GALNT17: variants seen among roughly 807,000 people sequenced by gnomAD.
GALNT17 encodes the protein polypeptide N-acetylgalactosaminyltransferase 17, also known as UDP-GalNAc:polypeptide N-acetylgalactosaminyltransferase-like 3.
In GALNT17, 29 loss-of-function variants were observed where a neutral mutation model predicts 63.7. That is an observed-to-expected ratio of 0.46 (90% CI 0.34 to 0.62). The LOEUF (loss-of-function observed/expected upper bound fraction) is 0.62, where lower values mean the gene tolerates loss of function less well. GALNT17 is among the 20% of genes least tolerant of loss of function. GALNT17 has a pLI of 0.01. For missense variants in GALNT17, 603 were observed against 799.6 expected (o/e 0.75, Z 2.97); for synonymous variants, 305 against 318.3 (o/e 0.96, Z 0.45).
intron 1 of GALNT17, among the ~76,000 whole-genome samples, chr7:71,197,816 T>C (rs1789083058): frequency 1.3e-5 from 2 of 152,170 alleles, no homozygotes; most frequent in Non-Finnish European, 2.9e-5. Context: ...CTACTGTGTA[T>C]ATGTATCAAG....
intron 3 of GALNT17, among the ~76,000 whole-genome samples, chr7:71,390,557 C>G (rs571395118): frequency 3.9e-5 from 6 of 152,322 alleles, no homozygotes; most frequent in African/African-American, 1.4e-4. Flanking sequence ...CTGGAAGCCT[C>G]TAAGTTGTGC....
At chr7:71,704,940 G>A (rs999369466) in intron 9 of GALNT17, among the ~76,000 whole-genome samples, 2 of 152,094 alleles carry the variant, frequency 1.3e-5, no homozygotes, top group Non-Finnish European at 2.9e-5. Flanking sequence ...AATCTTCATG[G>A]CCTTGGATTT....
intron 9 of GALNT17, among the ~76,000 whole-genome samples, chr7:71,699,171 C>CA (rs59124269): frequency 0.36 from 27,422 of 76,726 alleles, 6,579 homozygotes; most frequent in Non-Finnish European, 0.45. Context: ...GACTCCATCT[C>CA]AAAAAAAAAA....
intron 3 of GALNT17, among the ~76,000 whole-genome samples, chr7:71,398,307 C>G (rs1340900397): frequency 6.6e-6 from 1 of 152,042 alleles, no homozygotes; most frequent in Non-Finnish European, 1.5e-5. Context: ...GCTATCTTAT[C>G]TTTCGCTATC....
At chr7:71,166,543 C>T (rs1475687783) in intron 1 of GALNT17, among the ~76,000 whole-genome samples, 1 of 152,224 alleles carries the variant, frequency 6.6e-6, no homozygotes, top group Non-Finnish European at 1.5e-5. Context: ...AACCACTGAT[C>T]TGCCTCCTGC....
chr7:71,290,122 A>G (rs1790953633), intron 1 of GALNT17, among the ~76,000 whole-genome samples: 1 of 152,228 alleles, frequency 6.6e-6, no homozygotes. Context: ...ATTTTAGTAT[A>G]TGCATGATAG....
intron 5 of GALNT17, among the ~76,000 whole-genome samples, chr7:71,538,834 G>A (rs970771892): frequency 6.6e-6 from 1 of 151,914 alleles, no homozygotes; most frequent in Non-Finnish European, 1.5e-5. Context: ...ACAGTTGGAC[G>A]GAGGGAGAGA....
chr7:71,659,019 C>A (rs1790868582), intron 6 of GALNT17, among the ~76,000 whole-genome samples: 1 of 152,194 alleles, frequency 6.6e-6, no homozygotes, highest in Admixed American at 6.5e-5. Flanking sequence ...TGCTGCCAGT[C>A]TTTTCCCCAC....
At chr7:71,187,998 A>G (rs1473384518) in intron 1 of GALNT17, among the ~76,000 whole-genome samples, 1 of 152,110 alleles carries the variant, frequency 6.6e-6, no homozygotes, top group Non-Finnish European at 1.5e-5. Flanking sequence ...TTCCTGAGTT[A>G]CTTCACTTAG....
At chr7:71,247,384 G>A (rs969719833) in intron 1 of GALNT17, among the ~76,000 whole-genome samples, 2 of 152,240 alleles carry the variant, frequency 1.3e-5, no homozygotes, top group Admixed American at 6.5e-5. Context: ...GGGGTTAGAG[G>A]TGCTTACCTC....
intron 1 of GALNT17, among the ~76,000 whole-genome samples, chr7:71,304,349 A>G (rs1791252911): frequency 6.6e-6 from 1 of 152,228 alleles, no homozygotes; most frequent in African/African-American, 2.4e-5. Context: ...ATCAGTGCGT[A>G]TATAGAAACT....
chr7:71,201,244 T>TATATATATATATATATATAC (rs753976717), intron 1 of GALNT17, among the ~76,000 whole-genome samples: 7,134 of 146,626 alleles, frequency 0.049, 317 homozygotes, highest in East Asian at 0.14. Context: ...TTTATTTTTA[T>TATATATATATATATATATAC]ATATATATAT....
At chr7:71,638,824 C>A (rs1239177023) in intron 6 of GALNT17, among the ~76,000 whole-genome samples, 2 of 151,964 alleles carry the variant, frequency 1.3e-5, no homozygotes, top group Non-Finnish European at 2.9e-5. Flanking sequence ...ATGAAACAAG[C>A]CAGACACAGA....
chr7:71,219,964 A>G (rs1468437641), intron 1 of GALNT17, among the ~76,000 whole-genome samples: 1 of 152,180 alleles, frequency 6.6e-6, no homozygotes, highest in Non-Finnish European at 1.5e-5. Context: ...TCCCTCCAAA[A>G]TTCATTTGTT....
At chr7:71,199,350 G>A (rs1400850381) in intron 1 of GALNT17, among the ~76,000 whole-genome samples, 1 of 152,064 alleles carries the variant, frequency 6.6e-6, no homozygotes, top group Non-Finnish European at 1.5e-5. Flanking sequence ...GTAACCCATT[G>A]GCATATGTAA....
chr7:71,581,776 C>T (rs1273058546), intron 6 of GALNT17, among the ~76,000 whole-genome samples: 4 of 152,078 alleles, frequency 2.6e-5, no homozygotes, highest in African/African-American at 9.7e-5. Flanking sequence ...ATGAGTAGTT[C>T]CATTTTAGAA....
chr7:71,688,153 A>G (rs901864487), intron 9 of GALNT17, among the ~76,000 whole-genome samples: 2 of 152,140 alleles, frequency 1.3e-5, no homozygotes, highest in African/African-American at 4.8e-5. Flanking sequence ...TCAATCTCTT[A>G]TGCCATATTT....
chr7:71,645,777 A>G (rs1790667459), intron 6 of GALNT17, among the ~76,000 whole-genome samples: 1 of 152,122 alleles, frequency 6.6e-6, no homozygotes, highest in Non-Finnish European at 1.5e-5. Context: ...ACATTTAAAA[A>G]CCTGAAGAGG....
chr7:71,253,071 G>A (rs1790228777), intron 1 of GALNT17, among the ~76,000 whole-genome samples: 1 of 152,154 alleles, frequency 6.6e-6, no homozygotes, highest in Non-Finnish European at 1.5e-5. Context: ...TCTGCCCTCT[G>A]CTTTCCCATG....
Sources: allele counts gnomAD v4.1 joint callset (sites outside exome capture counted in the v4.1 genomes callset), GRCh38; gene constraint gnomAD v4.1.1; transcripts MANE v1.5; gene names NCBI Gene and HGNC (gene_info 2026-07-23, HGNC 2026-07-21).